ZNF469: variants seen among roughly 807,000 people sequenced by gnomAD.
The protein encoded by ZNF469 is zinc finger protein 469.
ZNF469 carries 1 observed loss-of-function variant against 1.0 expected under a neutral mutation model. That is an observed-to-expected ratio of 1.00 (90% CI 0.35 to 4.73). ZNF469 has a LOEUF of 4.73. Ranked by LOEUF, ZNF469 falls within the 30% of genes most tolerant of loss-of-function variation. The pLI is 0.16. For synonymous variants in ZNF469, 2,703 were observed against 2,363.4 expected, an observed-to-expected ratio of 1.14 and a Z score of -4.17; for missense variants, 6,100 against 5,356.3, an observed-to-expected ratio of 1.14 and a Z score of -4.33.
chr16:88,335,841 C>A, the ZNF469 span, among the ~76,000 whole-genome samples: 2,316 of 152,044 alleles, frequency 0.015, 39 homozygotes, highest in African/African-American at 0.052. Context: ...ACATGTTCAT[C>A]CTTCATGTGA....
the ZNF469 span, among the ~76,000 whole-genome samples, chr16:88,305,042 T>C: frequency 6.6e-6 from 1 of 152,102 alleles, no homozygotes; most frequent in South Asian, 2.1e-4. Context: ...GAGGCCAAGC[T>C]GGAGACAGGG....
the ZNF469 span, among the ~76,000 whole-genome samples, chr16:88,198,321 G>T: frequency 6.6e-6 from 1 of 152,232 alleles, no homozygotes; most frequent in Non-Finnish European, 1.5e-5. Flanking sequence ...GGACTTTGGA[G>T]CAGGGGCCTG....
intron 1 of ZNF469, among the ~76,000 whole-genome samples, chr16:88,413,972 C>T (rs935064243): frequency 2.0e-5 from 3 of 152,134 alleles, no homozygotes; most frequent in Non-Finnish European, 2.9e-5. Context: ...GGAGAAGGGC[C>T]CTGCTGCCAC....
At chr16:88,221,150 C>T in the ZNF469 span, among the ~76,000 whole-genome samples, 139 of 152,304 alleles carry the variant, frequency 9.1e-4, 1 homozygote, top group Admixed American at 5.2e-4. Context: ...GGCCTGGACC[C>T]GCTGGCACGT....
the ZNF469 span, among the ~76,000 whole-genome samples, chr16:88,213,341 C>T: frequency 1.5e-4 from 23 of 152,224 alleles, no homozygotes; most frequent in Admixed American, 7.2e-4. Flanking sequence ...CCTCGTAATC[C>T]GCTCGCCTCG....
At chr16:88,291,715 G>A in the ZNF469 span, among the ~76,000 whole-genome samples, 1 of 152,032 alleles carries the variant, frequency 6.6e-6, no homozygotes, top group African/African-American at 2.4e-5. Context: ...CATGGCTGCT[G>A]GTGGTCTCGG....
At chr16:88,282,816 C>T in the ZNF469 span, among the ~76,000 whole-genome samples, 2 of 152,174 alleles carry the variant, frequency 1.3e-5, no homozygotes, top group Non-Finnish European at 2.9e-5. Flanking sequence ...CTCACTGCGG[C>T]TATAAAAACT....
the ZNF469 span, among the ~76,000 whole-genome samples, chr16:88,340,802 C>T: frequency 2.0e-5 from 3 of 152,038 alleles, no homozygotes; most frequent in Admixed American, 6.5e-5. Context: ...GAGGGTGATG[C>T]ACAGGGAGGA....
At chr16:88,317,623 C>T in the ZNF469 span, among the ~76,000 whole-genome samples, 16 of 152,214 alleles carry the variant, frequency 1.1e-4, no homozygotes, top group South Asian at 2.1e-4. Flanking sequence ...CGCCGGCAGC[C>T]GCCCTGCACA....
intron 1 of ZNF469, among the ~76,000 whole-genome samples, chr16:88,390,486 A>G (rs753995203): frequency 6.6e-5 from 10 of 152,152 alleles, no homozygotes; most frequent in Non-Finnish European, 1.0e-4. Flanking sequence ...TCTGCCTGGG[A>G]ACCCCCACTG....
the ZNF469 span, among the ~76,000 whole-genome samples, chr16:88,234,440 G>C: frequency 1.2e-4 from 19 of 152,362 alleles, no homozygotes; most frequent in East Asian, 3.7e-3. Context: ...AAGAATTAAC[G>C]CTGAGGACGA....
the ZNF469 span, among the ~76,000 whole-genome samples, chr16:88,340,497 G>A: frequency 1.7e-4 from 26 of 152,314 alleles, no homozygotes; most frequent in East Asian, 4.2e-3. Flanking sequence ...CAGACATCAC[G>A]GGTCAGGTGT....
the ZNF469 span, among the ~76,000 whole-genome samples, chr16:88,375,148 C>G: frequency 1.3e-5 from 2 of 152,210 alleles, no homozygotes; most frequent in African/African-American, 4.8e-5. Flanking sequence ...GAATTCATGA[C>G]CAGCGTGGAA....
chr16:88,209,136 C>T, the ZNF469 span, among the ~76,000 whole-genome samples: 1 of 151,974 alleles, frequency 6.6e-6, no homozygotes, highest in Non-Finnish European at 1.5e-5. Context: ...TAAACTTAAC[C>T]TGGTTCCACA....
At chr16:88,285,709 C>T in the ZNF469 span, among the ~76,000 whole-genome samples, 1 of 152,256 alleles carries the variant, frequency 6.6e-6, no homozygotes, top group Non-Finnish European at 1.5e-5. Context: ...GAGAGCAAGC[C>T]AGCTGGTGAT....
chr16:88,380,329 ACTCACACATGCG>A (rs149764335), upstream of ZNF469, among the ~76,000 whole-genome samples: 26,275 of 125,580 alleles, frequency 0.21, 5,683 homozygotes, highest in East Asian at 0.52. Context: ...TCACACATGC[ACTCACACATGCG>A]CTCACACACA....
At chr16:88,111,624 G>A in the ZNF469 span, among the ~76,000 whole-genome samples, 1 of 152,044 alleles carries the variant, frequency 6.6e-6, no homozygotes, top group Non-Finnish European at 1.5e-5. Flanking sequence ...AAGTGAAGAC[G>A]TGTTTTTGTT....
chr16:88,378,096 C>T (rs117423523), upstream of ZNF469, among the ~76,000 whole-genome samples: 662 of 152,212 alleles, frequency 4.3e-3, 1 homozygote, highest in Admixed American at 7.3e-3. Flanking sequence ...CCCAGTTCAC[C>T]GCCAGGGAGT....
rs1906685121 is a variant in ZNF469 at position 88,437,599 on chromosome 16, C to T, written c.10129C>T (p.His3377Tyr). Residue 3377 changes from histidine to tyrosine, a missense_variant, in exon 3 of 3, where the codon CAC becomes TAC. By Grantham distance (83) the His-to-Tyr change is moderately conservative (BLOSUM62 2). Coordinates refer to ENST00000565624, the MANE Select transcript of ZNF469 (RefSeq NM_001367624.2). ...CCGGTGCCCCCGGGTCTACCCCGAG[C>T]ACGGGGAGCTGCTGGCACACCTGGG... ...CPRCPRVYPE[H>Y]GELLAHLGGA... 1.3e-6 allele frequency: 2 copies of T among 1,537,364 alleles called. No homozygotes were observed. Among genetic ancestry groups the T allele is most frequent in the Non-Finnish European group, 1.8e-6 (2 of 1,137,412 alleles).
Sources: allele counts gnomAD v4.1 joint callset (sites outside exome capture counted in the v4.1 genomes callset), GRCh38; gene constraint gnomAD v4.1.1; transcripts MANE v1.5; gene names NCBI Gene and HGNC (gene_info 2026-07-23, HGNC 2026-07-21).